Variants in CCDC92 observed in about 807,000 individuals in gnomAD.
CCDC92 encodes the protein coiled-coil domain containing 92.
A neutral mutation model predicts 24.9 loss-of-function variants in CCDC92; 12 were observed. That is an observed-to-expected ratio of 0.48 (90% CI 0.31 to 0.78). The LOEUF (loss-of-function observed/expected upper bound fraction) is 0.78. Ranked by LOEUF, CCDC92 falls within the 30% of genes least tolerant of loss-of-function variation. The probability of loss-of-function intolerance (pLI) is 0.05; values close to 1 mark genes in which losing one functional copy is unlikely to be tolerated. For synonymous variants in CCDC92, 193 were observed against 196.3 expected, an observed-to-expected ratio of 0.98 and a Z score of 0.14; for missense variants, 399 against 439.4, an observed-to-expected ratio of 0.91 and a Z score of 0.82.
chr12:123,962,892 T>A (rs759561122), intron 1 of CCDC92: 29 of 152,314 alleles, frequency 1.9e-4, no homozygotes, highest in Admixed American at 7.2e-4. Flanking sequence ...AATTAGCGTG[T>A]AAGTTTTCTG....
At chr12:123,967,969 T>C (rs980657326) in intron 1 of CCDC92, 8 of 152,240 alleles carry the variant, frequency 5.3e-5, no homozygotes, top group African/African-American at 1.7e-4. Context: ...CTAAATTTAG[T>C]ATCTTAAGTG....
Position 123,972,582 on chromosome 12 carries a change from C to G in CCDC92, c.-113G>C, listed in dbSNP as rs1016378066. 1.3e-5 allele frequency: 2 copies of G among 151,072 alleles called. No homozygotes were observed. Among genetic ancestry groups the G allele is most frequent in the Non-Finnish European group, 3.0e-5 (2 of 67,664 alleles). The allele number at this position is 151,072 out of a possible 1,614,324, so 9.4% of individuals were successfully genotyped here. A position where few individuals can be genotyped will look rare whatever the true frequency, so the allele number is the denominator to read the frequency against. On this transcript the variant is annotated 5_prime_UTR_variant, in exon 1 of 5. Coordinates refer to ENST00000238156, the MANE Select transcript of CCDC92 (RefSeq NM_025140.3). ...GGCGGCTGCCCTCTTAGGCTCGGTCCTCCCGGCGGGCGGCGGTGGGGGCCC... is the reference window on the plus strand; with the variant it reads ...GGCGGCTGCCCTCTTAGGCTCGGTCGTCCCGGCGGGCGGCGGTGGGGGCCC...
chr12:123,963,182 G>A (rs1038731998), intron 1 of CCDC92, among the ~76,000 whole-genome samples: 3 of 152,230 alleles, frequency 2.0e-5, no homozygotes, highest in Non-Finnish European at 2.9e-5. Flanking sequence ...AAGGTCAAGA[G>A]AGTTTTGGCT....
At position 123,937,955 on chromosome 12, in the gene CCDC92, G is replaced by T; in HGVS notation, c.224-125C>A. 1.0e-6 allele frequency: 1 copy of T among 974,500 alleles called. No individual in the cohort carries two copies. Among genetic ancestry groups the T allele is most frequent in the Non-Finnish European group, 1.5e-6 (1 of 661,330 alleles). The allele number at this position is 974,500 out of a possible 1,614,324, so 60.4% of individuals were successfully genotyped here. A position where few individuals can be genotyped will look rare whatever the true frequency, so the allele number is the denominator to read the frequency against. On this transcript the variant is annotated intron_variant, in intron 4 of 4. Coordinates refer to ENST00000238156, the MANE Select transcript of CCDC92 (RefSeq NM_025140.3). The surrounding 1 kb of genome is among the most constrained non-coding windows in gnomAD (Gnocchi z 8.4). ...CTAGGCTGTGGGGGCCATGCAGAAGGCAGGGCTGTGGGGGCTCTGGAAAGA... is the reference window on the plus strand; with the variant it reads ...CTAGGCTGTGGGGGCCATGCAGAAGTCAGGGCTGTGGGGGCTCTGGAAAGA...
chr12:123,945,424 C>T (rs980237792), intron 1 of CCDC92: 3 of 152,254 alleles, frequency 2.0e-5, no homozygotes, highest in African/African-American at 4.8e-5. Flanking sequence ...CTGCACAGCA[C>T]GTGGTCTTGG....
chr12:123,958,898 G>C (rs1236523188), intron 1 of CCDC92, among the ~76,000 whole-genome samples: 1 of 152,204 alleles, frequency 6.6e-6, no homozygotes, highest in African/African-American at 2.4e-5. Flanking sequence ...CCTCTCGTCA[G>C]AATTCATGTT....
At chr12:123,943,039 A>C (rs1331665700) in intron 3 of CCDC92, among the ~76,000 whole-genome samples, 1 of 152,058 alleles carries the variant, frequency 6.6e-6, no homozygotes, top group Non-Finnish European at 1.5e-5. Context: ...CAACCATCCA[A>C]ACCAAACAAT....
intron 1 of CCDC92, among the ~76,000 whole-genome samples, chr12:123,959,623 G>C (rs1315618549): frequency 6.6e-6 from 1 of 152,180 alleles, no homozygotes; most frequent in Admixed American, 6.5e-5. Flanking sequence ...CAGGCTTATA[G>C]ATGATCACTT....
At chr12:123,947,762 A>G (rs1251760987) in intron 1 of CCDC92, among the ~76,000 whole-genome samples, 1 of 152,128 alleles carries the variant, frequency 6.6e-6, no homozygotes, top group African/African-American at 2.4e-5. Flanking sequence ...CCAGATAAGA[A>G]AATAAAAGCA....
chr12:123,963,567 A>C (rs1300352248), intron 1 of CCDC92, among the ~76,000 whole-genome samples: 4 of 152,240 alleles, frequency 2.6e-5, no homozygotes, highest in Non-Finnish European at 4.4e-5. Flanking sequence ...GATTGCAAAT[A>C]AACTCCAAAT....
intron 1 of CCDC92, among the ~76,000 whole-genome samples, chr12:123,959,621 T>C (rs1956228346): frequency 6.6e-6 from 1 of 152,200 alleles, no homozygotes; most frequent in Non-Finnish European, 1.5e-5. Flanking sequence ...GCCAGGCTTA[T>C]AGATGATCAC....
chr12:123,943,259 G>C, intron 3 of CCDC92, 88 bp downstream of exon 3: 2 of 1,426,846 alleles, frequency 1.4e-6, no homozygotes, highest in Non-Finnish European at 1.9e-6. Flanking sequence ...GGGAGCTGGG[G>C]GCAGGGCAGG....
chr12:123,950,604 A>G (rs1431887597), intron 1 of CCDC92, among the ~76,000 whole-genome samples: 1 of 152,076 alleles, frequency 6.6e-6, no homozygotes, highest in Non-Finnish European at 1.5e-5. Context: ...CTGGGATCCC[A>G]GCAGGTGCTC....
At position 123,937,166 on chromosome 12, in the gene CCDC92, G is replaced by A; in HGVS notation, c.888C>T (p.His296=). 1 of 1,610,640 alleles carries A rather than the reference G, an allele frequency of 6.2e-7. No homozygotes were observed. Among genetic ancestry groups the A allele is most frequent in the African/African-American group, 1.3e-5 (1 of 75,028 alleles). Residue 296 remains histidine (H), a synonymous_variant, in exon 5 of 5, where the codon CAC becomes CAT. Transcript: ENST00000238156. The surrounding 1 kb of genome is among the most constrained non-coding windows in gnomAD (Gnocchi z 8.4). ...GCTGGGCCTGCGGCGGGGTGGCGTG[G>A]TGGATCCGATGTGCCACCCCGACGT... ...KAHVGVAHRI[H]HATPPQAQPE...
chr12:123,939,895 C>T (rs1012387140), intron 4 of CCDC92, among the ~76,000 whole-genome samples: 3 of 152,238 alleles, frequency 2.0e-5, no homozygotes, highest in Non-Finnish European at 4.4e-5. Context: ...CGCTGTCCTT[C>T]CCCCAGGGCC....
chr12:123,943,466 G>A lies in CCDC92; in HGVS notation c.62C>T (p.Thr21Ile), dbSNP rs1265437054. Residue 21 changes from threonine to isoleucine, a missense_variant, in exon 3 of 5, where the codon ACA (threonine) becomes ATA (isoleucine). By Grantham distance (89) the Thr-to-Ile change is moderately conservative. Transcript: ENST00000238156. ...EGPLDVSMAA[T>I]NLENQLHSAQ... is the part of the protein sequence containing the mutation. ...GCTGTGCAGCTGGTTCTCCAGGTTTGTGGCTGCCATGCTGACATCCAGAGG... is the reference window on the plus strand; with the variant it reads ...GCTGTGCAGCTGGTTCTCCAGGTTTATGGCTGCCATGCTGACATCCAGAGG... The A allele has an allele frequency of 6.2e-7, 1 of 1,614,200 alleles. No individual in the cohort carries two copies. Among genetic ancestry groups the A allele is most frequent in the African/African-American group, 1.3e-5 (1 of 75,060 alleles).
chr12:123,942,387 A>ATGC (rs1477866341), intron 4 of CCDC92, among the ~76,000 whole-genome samples: 2 of 152,220 alleles, frequency 1.3e-5, no homozygotes, highest in Admixed American at 6.5e-5. Flanking sequence ...GTTCTGCCCA[A>ATGC]TGCTGCTGCT....
intron 4 of CCDC92, among the ~76,000 whole-genome samples, chr12:123,938,339 C>T (rs954223186): frequency 6.6e-5 from 10 of 152,124 alleles, no homozygotes; most frequent in African/African-American, 2.2e-4. Context: ...CCCCTACCCC[C>T]GTCTCTCTCA....
intron 1 of CCDC92, chr12:123,966,682 G>A (rs1356172502): frequency 6.6e-6 from 1 of 152,192 alleles, no homozygotes; most frequent in Non-Finnish European, 1.5e-5. Flanking sequence ...CTAAACACAG[G>A]AATGGCTAAT....
Sources: allele counts gnomAD v4.1 joint callset (sites outside exome capture counted in the v4.1 genomes callset), GRCh38; gene constraint gnomAD v4.1.1; non-coding constraint Gnocchi (gnomAD v3.1); transcripts MANE v1.5; gene names NCBI Gene and HGNC (gene_info 2026-07-23, HGNC 2026-07-21).